MAN1A2: variants seen among roughly 807,000 people sequenced by gnomAD.
MAN1A2 encodes mannosyl-oligosaccharide 1,2-alpha-mannosidase IB.
In MAN1A2, 26 loss-of-function variants were observed where a neutral mutation model predicts 75.7. The ratio of observed to expected loss-of-function variants is 0.34; its 90% CI spans 0.25 to 0.48. The LOEUF is 0.48. MAN1A2 is among the 20% of genes least tolerant of loss of function. The pLI, the probability that MAN1A2 is intolerant of heterozygous loss-of-function variation, is 0.99. For missense variants in MAN1A2, 562 were observed against 775.5 expected (o/e 0.72, Z 3.27); for synonymous variants, 247 against 264.6 (o/e 0.93, Z 0.65).
At chr1:117,403,346 T>C (rs1647505561) in intron 2 of MAN1A2, among the ~76,000 whole-genome samples, 1 of 152,258 alleles carries the variant, frequency 6.6e-6, no homozygotes, top group South Asian at 2.1e-4. Context: ...GCTCTGATTT[T>C]ACCTCACCTC....
At chr1:117,521,218 A>C (rs1223831661) in intron 12 of MAN1A2, among the ~76,000 whole-genome samples, 1 of 152,052 alleles carries the variant, frequency 6.6e-6, no homozygotes, top group African/African-American at 2.4e-5. Context: ...AGAAGATAAC[A>C]TTGGAAAAAC....
At chr1:117,381,205 CTT>C (rs1557926657) in intron 1 of MAN1A2, among the ~76,000 whole-genome samples, 1 of 151,654 alleles carries the variant, frequency 6.6e-6, no homozygotes, top group African/African-American at 2.4e-5. Context: ...TTTTATTATA[CTT>C]TAAGTTTTAG....
intron 7 of MAN1A2, among the ~76,000 whole-genome samples, chr1:117,461,556 A>G (rs1649821754): frequency 6.6e-6 from 1 of 152,192 alleles, no homozygotes; most frequent in Non-Finnish European, 1.5e-5. Context: ...AAGACGTAGA[A>G]TGTTTCCAAC....
chr1:117,508,575 AAT>A (rs1232549674), intron 12 of MAN1A2, among the ~76,000 whole-genome samples: 4 of 151,706 alleles, frequency 2.6e-5, no homozygotes, highest in Non-Finnish European at 4.4e-5. Flanking sequence ...AATCTTAAAT[AAT>A]CAGAGTTATG....
At chr1:117,431,635 C>G (rs1173949870) in intron 5 of MAN1A2, among the ~76,000 whole-genome samples, 1 of 152,166 alleles carries the variant, frequency 6.6e-6, no homozygotes, top group African/African-American at 2.4e-5. Flanking sequence ...CACATTCAGT[C>G]AATTTAAAAA....
intron 7 of MAN1A2, 37 bp from the exon 8 acceptor site, chr1:117,466,297 T>C (rs1006585972): frequency 1.5e-6 from 2 of 1,370,104 alleles, no homozygotes; most frequent in Non-Finnish European, 2.1e-6. Context: ...ATGACACTTA[T>C]TTTTATTAAT....
At chr1:117,428,105 C>G (rs1648437094) in intron 5 of MAN1A2, among the ~76,000 whole-genome samples, 1 of 151,454 alleles carries the variant, frequency 6.6e-6, no homozygotes, top group Admixed American at 6.6e-5. Context: ...CTCTCTCTCT[C>G]TCTCTCTATT....
At chr1:117,415,629 C>A (rs1647965951) in intron 4 of MAN1A2, among the ~76,000 whole-genome samples, 2 of 151,296 alleles carry the variant, frequency 1.3e-5, no homozygotes, top group African/African-American at 4.9e-5. Context: ...TGATAGAAAA[C>A]CTAATATAAA....
At chr1:117,431,886 T>C (rs2101799341) in intron 5 of MAN1A2, among the ~76,000 whole-genome samples, 1 of 152,170 alleles carries the variant, frequency 6.6e-6, no homozygotes, top group Non-Finnish European at 1.5e-5. Flanking sequence ...GGAGGTTGAG[T>C]CTGCAGTGAG....
At chr1:117,458,366 C>T (rs535301414) in intron 6 of MAN1A2, among the ~76,000 whole-genome samples, 1 of 151,396 alleles carries the variant, frequency 6.6e-6, no homozygotes, top group Non-Finnish European at 1.5e-5. Context: ...TAGCACCAAA[C>T]AATGAAGGAA....
intron 8 of MAN1A2, among the ~76,000 whole-genome samples, chr1:117,479,262 C>G (rs1186286433): frequency 6.6e-6 from 1 of 151,924 alleles, no homozygotes; most frequent in Admixed American, 6.6e-5. Context: ...CATGTCCCTG[C>G]AAAGGACATG....
intron 8 of MAN1A2, among the ~76,000 whole-genome samples, chr1:117,467,971 A>G (rs1650032092): frequency 6.6e-6 from 1 of 152,138 alleles, no homozygotes; most frequent in Admixed American, 6.5e-5. Context: ...TTTTCTAAGC[A>G]TGTCATGTAA....
chr1:117,454,033 A>G (rs1553236199), intron 6 of MAN1A2, among the ~76,000 whole-genome samples: 1 of 152,214 alleles, frequency 6.6e-6, no homozygotes, highest in Non-Finnish European at 1.5e-5. Context: ...TTTTAGCAAT[A>G]AAGTATTTTT....
chr1:117,511,366 G>A (rs183993943), intron 12 of MAN1A2, among the ~76,000 whole-genome samples: 3 of 152,056 alleles, frequency 2.0e-5, no homozygotes, highest in African/African-American at 7.2e-5. Context: ...GTAGAGATGC[G>A]GGTCTTGCTA....
intron 12 of MAN1A2, among the ~76,000 whole-genome samples, chr1:117,514,178 C>T (rs1651632571): frequency 6.6e-6 from 1 of 151,876 alleles, no homozygotes; most frequent in Admixed American, 6.6e-5. Context: ...GCCTGGCCAA[C>T]ATGGTGAAAC....
chr1:117,492,207 A>G (rs1650901458), intron 8 of MAN1A2, among the ~76,000 whole-genome samples: 1 of 152,076 alleles, frequency 6.6e-6, no homozygotes. Flanking sequence ...AGAGAAATCA[A>G]ACAGGAAGAA....
At chr1:117,377,076 G>A (rs1146300) in intron 1 of MAN1A2, among the ~76,000 whole-genome samples, 77,205 of 151,940 alleles carry the variant, frequency 0.51, 20,899 homozygotes, top group African/African-American at 0.67. Flanking sequence ...ATATATACAT[G>A]AACATATTTA....
In MAN1A2 at chr1:117,368,005, T is replaced by A; in HGVS notation, c.-179T>A. On this transcript the variant is annotated 5_prime_UTR_variant, in exon 1 of 13. Transcript: ENST00000356554. ...GATCGTTTGGGGGAGGTCACACACGTTTCTGAGTGGGAATGGATGGGCGTG... is the reference window on the plus strand; with the variant it reads ...GATCGTTTGGGGGAGGTCACACACGATTCTGAGTGGGAATGGATGGGCGTG... The A allele has an allele frequency of 1.7e-6, 1 of 602,680 alleles. No individual in the cohort carries two copies. Among genetic ancestry groups the A allele is most frequent in the South Asian group, 2.1e-5 (1 of 46,854 alleles). 37.3% of individuals were successfully genotyped at this position (602,680 alleles called of 1,614,324 possible).
intron 5 of MAN1A2, among the ~76,000 whole-genome samples, chr1:117,428,486 G>T (rs569939163): frequency 6.6e-6 from 1 of 151,956 alleles, no homozygotes; most frequent in Non-Finnish European, 1.5e-5. Flanking sequence ...TGGAAATGGC[G>T]AACAGAAAAC....
Sources: gnomAD v4.1 joint callset for allele counts (sites outside exome capture counted in the v4.1 genomes callset) on GRCh38, gnomAD v4.1.1 for gene constraint, MANE v1.5 for transcripts, NCBI Gene and HGNC (gene_info 2026-07-23, HGNC 2026-07-21) for gene names.